ARHGAP26: variants seen among roughly 807,000 people sequenced by gnomAD.
ARHGAP26 encodes the protein rho GTPase-activating protein 26.
Under a neutral mutation model 104.8 loss-of-function variants are expected in ARHGAP26, and 38 were observed. The ratio of observed to expected loss-of-function variants is 0.36; its 90% CI spans 0.28 to 0.48. The LOEUF (loss-of-function observed/expected upper bound fraction) is 0.48. Among genes scored for constraint, ARHGAP26 ranks in the 20% least tolerant of loss-of-function variants. ARHGAP26 has a pLI of 0.99. For synonymous variants in ARHGAP26, 341 were observed against 340.0 expected, an observed-to-expected ratio of 1.00 and a Z score of -0.03; for missense variants, 704 against 947.9, an observed-to-expected ratio of 0.74 and a Z score of 3.38.
chr5:143,174,994 A>G (rs950132767), intron 20 of ARHGAP26, among the ~76,000 whole-genome samples: 4 of 152,172 alleles, frequency 2.6e-5, no homozygotes, highest in Non-Finnish European at 5.9e-5. Flanking sequence ...CTACATTTCA[A>G]ATTTGATGTG....
chr5:142,949,004 C>A (rs1767605202), intron 11 of ARHGAP26, among the ~76,000 whole-genome samples: 1 of 151,606 alleles, frequency 6.6e-6, no homozygotes. Flanking sequence ...ACTTGGGAGA[C>A]TGAGGCAGGA....
intron 20 of ARHGAP26, among the ~76,000 whole-genome samples, chr5:143,196,236 C>G (rs1420077728): frequency 2.6e-5 from 4 of 152,028 alleles, no homozygotes; most frequent in African/African-American, 9.7e-5. Context: ...CTTGCTTTCT[C>G]CTCCCCCATC....
chr5:142,866,772 C>T (rs749180158), intron 1 of ARHGAP26: 13 of 152,142 alleles, frequency 8.5e-5, no homozygotes, highest in Admixed American at 2.0e-4. Flanking sequence ...AGGAAAAGCA[C>T]GCAGATGTAT....
chr5:142,863,364 CCCAGAGT>C (rs1347363892), intron 1 of ARHGAP26, among the ~76,000 whole-genome samples: 1 of 152,204 alleles, frequency 6.6e-6, no homozygotes, highest in Non-Finnish European at 1.5e-5. Flanking sequence ...ACCTCGGCCT[CCCAGAGT>C]GCTGGGATTA....
intron 1 of ARHGAP26, among the ~76,000 whole-genome samples, chr5:142,855,774 T>A (rs943470242): frequency 4.6e-5 from 7 of 152,230 alleles, no homozygotes; most frequent in African/African-American, 1.7e-4. Context: ...TATTGTTTTC[T>A]GGTTTGGATG....
chr5:142,842,371 C>T (rs925868371), intron 1 of ARHGAP26, among the ~76,000 whole-genome samples: 5 of 152,150 alleles, frequency 3.3e-5, no homozygotes, highest in Non-Finnish European at 5.9e-5. Flanking sequence ...AGGTTTGTGG[C>T]CGCTTCTTCC....
intron 12 of ARHGAP26, among the ~76,000 whole-genome samples, chr5:143,019,182 C>T (rs1016693804): frequency 1.3e-5 from 2 of 151,934 alleles, no homozygotes; most frequent in African/African-American, 4.8e-5. Flanking sequence ...TCTAATTTGT[C>T]AAACTCTTAC....
chr5:143,079,732 C>T (rs1162478935), intron 17 of ARHGAP26, among the ~76,000 whole-genome samples: 4 of 152,186 alleles, frequency 2.6e-5, no homozygotes, highest in African/African-American at 9.7e-5. Flanking sequence ...CCTGTGGACT[C>T]GTTTCCCTAT....
intron 14 of ARHGAP26, among the ~76,000 whole-genome samples, chr5:143,044,563 TTGGGGGATG>T (rs963194334): frequency 3.1e-4 from 43 of 140,364 alleles, no homozygotes; most frequent in Non-Finnish European, 4.1e-4. Flanking sequence ...TGTGCGTATG[TTGGGGGATG>T]TGGGGGATGG....
At chr5:142,830,636 A>G (rs1035160893) in intron 1 of ARHGAP26, among the ~76,000 whole-genome samples, 3 of 152,162 alleles carry the variant, frequency 2.0e-5, no homozygotes, top group African/African-American at 7.2e-5. Flanking sequence ...GATAGTATCA[A>G]TTTTCACTGG....
chr5:143,060,703 G>A (rs1052488421), intron 17 of ARHGAP26, among the ~76,000 whole-genome samples: 1 of 151,898 alleles, frequency 6.6e-6, no homozygotes, highest in African/African-American at 2.4e-5. Context: ...AACCCGGGGC[G>A]CTTGTTTACA....
At chr5:143,170,441 C>T (rs1802610337) in intron 20 of ARHGAP26, 1 of 152,172 alleles carries the variant, frequency 6.6e-6, no homozygotes, top group Non-Finnish European at 1.5e-5. Context: ...GTTTCTTCTG[C>T]CAGGAATCAC....
chr5:143,166,148 T>G, intron 20 of ARHGAP26: 1 of 1,245,676 alleles, frequency 8.0e-7, no homozygotes, highest in Non-Finnish European at 1.0e-6. Context: ...AATTAAAGAA[T>G]AACACACGCC....
In ARHGAP26 at chr5:142,824,476, C is replaced by T. The variant is rs146395501; in HGVS notation, c.155-48924C>T. 2.2e-3 allele frequency among the ~76,000 whole-genome samples: 331 copies of T among 152,328 alleles called. 3 individuals carry two copies. Among genetic ancestry groups the T allele is most frequent in the African/African-American group, 7.5e-3 (311 of 41,576 alleles). The stretch of plus-strand genomic sequence containing the variant: ...ACAGGCAAGGCTGCAGCCCTAGCAT[C>T]AGCAGCTGTATAAGCTCCAGAGTGG... On this transcript the variant is annotated intron_variant, in intron 1 of 22. Coordinates refer to ENST00000645722, the MANE Select transcript of ARHGAP26 (RefSeq NM_001135608.3).
chr5:143,010,304 A>C (rs953181982), intron 11 of ARHGAP26, among the ~76,000 whole-genome samples: 5 of 152,242 alleles, frequency 3.3e-5, no homozygotes, highest in African/African-American at 1.2e-4. Flanking sequence ...TACACCACTG[A>C]CCAGCTCTGT....
chr5:143,014,118 T>G lies in ARHGAP26; in HGVS notation c.1144+2T>G. 6.2e-7 allele frequency: 1 copy of G among 1,613,996 alleles called. No homozygotes were observed. Reference sequence around the variant, plus strand: ...ACAAAGACAGCCAGAGTGAAGGGAGTAAGTACGATGCTTGGGTAACCTTCT... The same window carrying G: ...ACAAAGACAGCCAGAGTGAAGGGAGGAAGTACGATGCTTGGGTAACCTTCT... On this transcript the variant is annotated splice_donor_variant, in intron 12 of 22. Transcript: ENST00000645722. LOFTEE classifies it high-confidence loss of function.
At chr5:143,014,723 G>T (rs1019266709) in intron 12 of ARHGAP26, among the ~76,000 whole-genome samples, 3 of 152,098 alleles carry the variant, frequency 2.0e-5, no homozygotes, top group Non-Finnish European at 2.9e-5. Flanking sequence ...GATTTCCAAG[G>T]GTACCTGTAA....
intron 11 of ARHGAP26, among the ~76,000 whole-genome samples, chr5:142,983,612 C>T (rs245729): frequency 0.89 from 134,840 of 152,236 alleles, 60,584 homozygotes; most frequent in Non-Finnish European, 0.97. Flanking sequence ...CAGATTTTCA[C>T]GCATTTTTAC....
chr5:142,947,586 T>G (rs763463065), intron 11 of ARHGAP26, among the ~76,000 whole-genome samples: 2 of 152,188 alleles, frequency 1.3e-5, no homozygotes, highest in Non-Finnish European at 2.9e-5. Flanking sequence ...AAATTTTTGT[T>G]AGGGTGCTTA....
Sources: allele counts gnomAD v4.1 joint callset (sites outside exome capture counted in the v4.1 genomes callset), GRCh38; gene constraint gnomAD v4.1.1; transcripts MANE v1.5; gene names NCBI Gene and HGNC (gene_info 2026-07-23, HGNC 2026-07-21).